The following ZBTB7C variants were observed in gnomAD, a reference collection of about 807,000 sequenced individuals.
ZBTB7C encodes the protein zinc finger and BTB domain containing 7C, also known as zinc finger and BTB domain-containing protein 7C.
Under a neutral mutation model 25.7 loss-of-function variants are expected in ZBTB7C, and 8 were observed. The ratio of observed to expected loss-of-function variants is 0.31; its 90% CI spans 0.18 to 0.56. ZBTB7C has a LOEUF of 0.56. Ranked by LOEUF, ZBTB7C falls within the 20% of genes least tolerant of loss-of-function variation. The pLI, the probability that ZBTB7C is intolerant of heterozygous loss-of-function variation, is 0.91. For missense variants in ZBTB7C, 824 were observed against 855.2 expected (o/e 0.96, Z 0.46); for synonymous variants, 394 against 369.0 (o/e 1.07, Z -0.78).
intron 1 of ZBTB7C, among the ~76,000 whole-genome samples, chr18:48,389,218 C>G (rs2047824652): frequency 1.5e-4 from 19 of 126,816 alleles, no homozygotes; most frequent in African/African-American, 5.0e-4. Flanking sequence ...CTCTCTCTCT[C>G]TCTCTCTCTC....
chr18:48,215,773 G>A (rs1213033600), intron 2 of ZBTB7C, among the ~76,000 whole-genome samples: 1 of 152,146 alleles, frequency 6.6e-6, no homozygotes, highest in East Asian at 1.9e-4. Context: ...AAGGGAAAGG[G>A]ATTTTCTACA....
chr18:48,255,652 C>T (rs2044000450), intron 2 of ZBTB7C, among the ~76,000 whole-genome samples: 1 of 152,192 alleles, frequency 6.6e-6, no homozygotes, highest in Non-Finnish European at 1.5e-5. Flanking sequence ...AATGACCAAT[C>T]TACTTTTGTT....
intron 3 of ZBTB7C, among the ~76,000 whole-genome samples, chr18:48,081,878 AAAGAT>A (rs2038000755): frequency 6.6e-6 from 1 of 152,240 alleles, no homozygotes; most frequent in African/African-American, 2.4e-5. Context: ...TACCAAAAAA[AAAGAT>A]AGATATAGCA....
chr18:48,057,285 C>T (rs1306470066), intron 3 of ZBTB7C, among the ~76,000 whole-genome samples: 4 of 152,090 alleles, frequency 2.6e-5, no homozygotes, highest in South Asian at 4.1e-4. Context: ...GTTCAACTTA[C>T]ATATAGGATT....
chr18:48,407,263 G>A (rs758488273), intron 1 of ZBTB7C, among the ~76,000 whole-genome samples: 1 of 152,184 alleles, frequency 6.6e-6, no homozygotes, highest in Non-Finnish European at 1.5e-5. Context: ...TATGGAAAGT[G>A]GGTGCTTCAG....
At chr18:48,167,597 T>TGTGTGTGTGTGTGTGTGG (rs779870966) in intron 3 of ZBTB7C, among the ~76,000 whole-genome samples, 1 of 148,044 alleles carries the variant, frequency 6.8e-6, no homozygotes, top group Non-Finnish European at 1.5e-5. Flanking sequence ...TGTGTGTGTG[T>TGTGTGTGTGTGTGTGTGG]GCGCGCGTGC....
chr18:48,095,981 G>A (rs1434720022), intron 3 of ZBTB7C, among the ~76,000 whole-genome samples: 1 of 152,162 alleles, frequency 6.6e-6, no homozygotes, highest in Non-Finnish European at 1.5e-5. Context: ...GGCAGTGACG[G>A]CTGTCACCAA....
At chr18:48,327,757 A>T (rs2046254952) in intron 2 of ZBTB7C, among the ~76,000 whole-genome samples, 1 of 151,950 alleles carries the variant, frequency 6.6e-6, no homozygotes, top group African/African-American at 2.4e-5. Context: ...TTGGAGGAGG[A>T]GGGGGGCACC....
intron 3 of ZBTB7C, among the ~76,000 whole-genome samples, chr18:48,114,933 A>C (rs914853739): frequency 1.3e-5 from 2 of 152,210 alleles, no homozygotes; most frequent in African/African-American, 2.4e-5. Flanking sequence ...TATAACATAA[A>C]ATTTGCCATT....
chr18:48,077,619 A>C (rs2037821539), intron 3 of ZBTB7C, among the ~76,000 whole-genome samples: 1 of 152,196 alleles, frequency 6.6e-6, no homozygotes. Context: ...GAAGGTCACC[A>C]AAGAGGGTAG....
intron 3 of ZBTB7C, among the ~76,000 whole-genome samples, chr18:48,156,423 A>T (rs2040842908): frequency 6.6e-6 from 1 of 152,168 alleles, no homozygotes; most frequent in South Asian, 2.1e-4. Flanking sequence ...CTAATGGGCA[A>T]ATCCTGCCTT....
intron 2 of ZBTB7C, among the ~76,000 whole-genome samples, chr18:48,206,754 G>A (rs956175407): frequency 6.6e-6 from 1 of 152,172 alleles, no homozygotes; most frequent in Non-Finnish European, 1.5e-5. Context: ...AGACAACAAA[G>A]CTGCTGAACG....
chr18:48,301,453 T>G (rs2045542022), intron 2 of ZBTB7C, among the ~76,000 whole-genome samples: 1 of 152,164 alleles, frequency 6.6e-6, no homozygotes, highest in African/African-American at 2.4e-5. Flanking sequence ...CACTCCAGCC[T>G]GGGCGACAGA....
chr18:48,154,516 T>C (rs149523192), intron 3 of ZBTB7C, among the ~76,000 whole-genome samples: 380 of 152,346 alleles, frequency 2.5e-3, no homozygotes, highest in African/African-American at 8.8e-3. Flanking sequence ...AAATCTGCCC[T>C]GTTCAATTCT....
chr18:48,363,648 T>C (rs979746828), intron 1 of ZBTB7C, among the ~76,000 whole-genome samples: 3 of 152,086 alleles, frequency 2.0e-5, no homozygotes, highest in African/African-American at 7.2e-5. Flanking sequence ...GGTTAGAAAG[T>C]TAAAATGTGC....
chr18:48,041,169 C>T, intron 3 of ZBTB7C, 46 bp from the exon 4 acceptor site: 6 of 1,528,022 alleles, frequency 3.9e-6, no homozygotes, highest in Admixed American at 1.9e-5. Flanking sequence ...GAGCGTGGCC[C>T]CAGGAGGGGT....
At position 48,040,670 on chromosome 18, in the gene ZBTB7C, T is replaced by A. The variant is rs149644925; in HGVS notation, c.438A>T (p.Glu146Asp). Residue 146 changes from glutamate (E) to aspartate (D), a missense_variant, in exon 4 of 5, where the codon GAA (glutamate) becomes GAT (aspartate). Physicochemically the swap from Glu to Asp is conservative, Grantham distance 45 (BLOSUM62 2). Around this residue, in one of 4 missense-constraint regions of ZBTB7C, gnomAD observed 316 missense variants for 299.2 expected, o/e 1.06. Coordinates refer to ENST00000590800, the MANE Select transcript of ZBTB7C (RefSeq NM_001318841.2). ...CTTCGTCCTCCTCATCATCATCATC[T>A]TCGTCGTCGTCATCGTCCTCCTTGT... ...EDDKEDDDDDEDDDDEEDEEE... is the reference protein window; with the variant it reads ...EDDKEDDDDDDDDDDEEDEEE... 183 of 1,613,190 alleles carry A rather than the reference T, an allele frequency of 1.1e-4. No individual in the cohort carries two copies. The highest frequency in any genetic ancestry group is 4.4e-4 in the African/African-American group (33 of 74,552).
chr18:48,410,463 G>T (rs2048372273), upstream of ZBTB7C, among the ~76,000 whole-genome samples: 7 of 152,250 alleles, frequency 4.6e-5, no homozygotes, highest in South Asian at 1.5e-3. Flanking sequence ...GCCCCGTCCC[G>T]CCGGGCCCCG....
intron 3 of ZBTB7C, among the ~76,000 whole-genome samples, chr18:48,093,484 G>A (rs545961256): frequency 1.3e-5 from 2 of 152,180 alleles, no homozygotes; most frequent in African/African-American, 2.4e-5. Flanking sequence ...ACACCTCTAA[G>A]GCTGAGCAAG....
Sources: gnomAD v4.1 joint callset for allele counts (sites outside exome capture counted in the v4.1 genomes callset) on GRCh38, gnomAD v4.1.1 for gene constraint, gnomAD v4.1.1 regional missense constraint, MANE v1.5 for transcripts, NCBI Gene and HGNC (gene_info 2026-07-23, HGNC 2026-07-21) for gene names.